Variants in AP3M2 observed in about 807,000 individuals in gnomAD.
The protein encoded by AP3M2 is adaptor related protein complex 3 subunit mu 2.
A neutral mutation model predicts 41.6 loss-of-function variants in AP3M2; 28 were observed. That is an observed-to-expected ratio of 0.67 (90% CI 0.50 to 0.92). AP3M2 has a LOEUF of 0.92. Among genes scored for constraint, AP3M2 ranks in the 40% least tolerant of loss-of-function variants. AP3M2 has a pLI of 0.00. For missense variants in AP3M2, 427 were observed against 521.4 expected (o/e 0.82, Z 1.76); for synonymous variants, 193 against 186.4 (o/e 1.04, Z -0.29).
chr8:42,164,285 G>A (rs1195630411), intron 4 of AP3M2, among the ~76,000 whole-genome samples: 2 of 152,166 alleles, frequency 1.3e-5, no homozygotes, highest in East Asian at 3.8e-4. Flanking sequence ...TGGGAGCACC[G>A]GGTTCAGGGC....
At chr8:42,163,779 G>T (rs1447269543) in intron 4 of AP3M2, among the ~76,000 whole-genome samples, 2 of 152,102 alleles carry the variant, frequency 1.3e-5, no homozygotes, top group Non-Finnish European at 2.9e-5. Flanking sequence ...AAAATGTTCC[G>T]TATCTTGCTG....
At chr8:42,161,688 T>C (rs893444146) in intron 3 of AP3M2, among the ~76,000 whole-genome samples, 2 of 152,284 alleles carry the variant, frequency 1.3e-5, no homozygotes, top group South Asian at 2.1e-4. Context: ...TAATGTATTT[T>C]ATTATGTCAG....
intron 1 of AP3M2, chr8:42,154,028 A>G (rs1332085795): frequency 6.6e-6 from 1 of 152,194 alleles, no homozygotes; most frequent in Non-Finnish European, 1.5e-5. Context: ...GGATATCCAA[A>G]ATGTTATTAC....
chr8:42,162,943 CA>C (rs67923954), intron 4 of AP3M2, among the ~76,000 whole-genome samples: 1,122 of 54,108 alleles, frequency 0.021, 2 homozygotes, highest in African/African-American at 0.092. Context: ...GACCCTGTCT[CA>C]AAAAAAAAAA....
At chr8:42,168,205 C>A in intron 8 of AP3M2, 1 of 460,874 alleles carries the variant, frequency 2.2e-6, no homozygotes, top group Non-Finnish European at 4.3e-6. Context: ...AGAAGACTTT[C>A]ATGTTTGCTC....
At chr8:42,160,075 A>G (rs1804470058) in intron 3 of AP3M2, among the ~76,000 whole-genome samples, 1 of 152,222 alleles carries the variant, frequency 6.6e-6, no homozygotes, top group African/African-American at 2.4e-5. Flanking sequence ...CAAAATCCAG[A>G]ATGCTCTACA....
chr8:42,162,187 C>A, intron 3 of AP3M2, 94 bp from the exon 4 acceptor site: 1 of 1,245,614 alleles, frequency 8.0e-7, no homozygotes, highest in Non-Finnish European at 1.1e-6. Flanking sequence ...CAATTGAGTG[C>A]ATGAATAGTG....
chr8:42,165,099 G>T lies in AP3M2; in HGVS notation c.612G>T (p.Gly204=). The T allele has an allele frequency of 8.7e-6, 14 of 1,614,032 alleles. No individual in the cohort carries two copies. Among genetic ancestry groups the T allele is most frequent in the Non-Finnish European group, 1.2e-5 (14 of 1,179,984 alleles). Residue 204 remains glycine (G), a synonymous_variant, in exon 5 of 9, where the codon GGG becomes GGT. Coordinates refer to ENST00000396926, the MANE Select transcript of AP3M2 (RefSeq NM_006803.4). ...CCACAATTACTGCTGAGATCCAGGG[G>T]GTGATTGATGCCTGTGTCAAGCTGA... The part of the protein sequence containing the change: ...SGSTITAEIQ[G]VIDACVKLTG...
intron 3 of AP3M2, 138 bp downstream of exon 3, chr8:42,158,250 GTTTTT>G: frequency 8.7e-6 from 2 of 228,672 alleles, no homozygotes; most frequent in Non-Finnish European, 1.3e-5. Context: ...CTTTGTAGTT[GTTTTT>G]TTTTTTTTTT....
At chr8:42,168,316 A>G in intron 8 of AP3M2, 2 of 435,786 alleles carry the variant, frequency 4.6e-6, no homozygotes, top group Admixed American at 2.5e-5. Flanking sequence ...GGGGGCATTT[A>G]CCATGTTCCA....
intron 3 of AP3M2, among the ~76,000 whole-genome samples, chr8:42,160,996 A>G (rs1315406069): frequency 1.3e-5 from 2 of 152,238 alleles, no homozygotes; most frequent in Non-Finnish European, 1.5e-5. Context: ...AAGGGTATCT[A>G]AGAACCACTT....
chr8:42,155,402 T>G (rs1391393278), intron 2 of AP3M2, among the ~76,000 whole-genome samples: 1 of 152,230 alleles, frequency 6.6e-6, no homozygotes, highest in Non-Finnish European at 1.5e-5. Context: ...CAGGGGTAAC[T>G]CATGAACCTG....
intron 4 of AP3M2, among the ~76,000 whole-genome samples, chr8:42,163,498 C>T (rs2150959530): frequency 6.6e-6 from 1 of 152,190 alleles, no homozygotes; most frequent in East Asian, 1.9e-4. Flanking sequence ...ATGAGAGGTA[C>T]CCACCCCTGA....
intron 8 of AP3M2, 139 bp downstream of exon 8, chr8:42,167,949 A>T: frequency 1.0e-5 from 12 of 1,161,576 alleles, no homozygotes; most frequent in Non-Finnish European, 1.5e-5. Flanking sequence ...CTTTAGTAAC[A>T]TCTTTTCTGG....
intron 2 of AP3M2, 76 bp from the exon 3 acceptor site, chr8:42,157,865 T>C (rs1260845403): frequency 7.0e-7 from 1 of 1,427,444 alleles, no homozygotes; most frequent in African/African-American, 1.4e-5. Context: ...CCTTATTCTC[T>C]GTAGGCACAT....
intron 6 of AP3M2, 184 bp from the exon 7 acceptor site, chr8:42,166,977 CAGT>C: frequency 1.7e-6 from 1 of 592,170 alleles, no homozygotes; most frequent in Non-Finnish European, 3.0e-6. Context: ...AGTTACTAGA[CAGT>C]AGCTTTTCAA....
chr8:42,167,552 CTTATAA>C (rs1804674270), intron 7 of AP3M2, 108 bp from the exon 8 acceptor site: 1 of 1,409,110 alleles, frequency 7.1e-7, no homozygotes. Flanking sequence ...CCAGAGGCAG[CTTATAA>C]TGTTGTGGAC....
intron 3 of AP3M2, 135 bp downstream of exon 3, chr8:42,158,247 GTT>G (rs1554710672): frequency 2.6e-6 from 1 of 378,046 alleles, no homozygotes; most frequent in South Asian, 4.8e-5. Context: ...GCTCTTTGTA[GTT>G]GTTTTTTTTT....
chr8:42,156,128 C>T (rs1383186072), intron 2 of AP3M2: 2 of 431,006 alleles, frequency 4.6e-6, no homozygotes, highest in Non-Finnish European at 4.7e-6. Flanking sequence ...GTTATGATTT[C>T]CACGTGTGAT....
Sources: gnomAD v4.1 joint callset for allele counts (sites outside exome capture counted in the v4.1 genomes callset) on GRCh38, gnomAD v4.1.1 for gene constraint, MANE v1.5 for transcripts, NCBI Gene and HGNC (gene_info 2026-07-23, HGNC 2026-07-21) for gene names.